PKMYT1: variants seen among roughly 807,000 people sequenced by gnomAD.
The protein encoded by PKMYT1 is protein kinase, membrane associated tyrosine/threonine 1.
In PKMYT1, 35 loss-of-function variants were observed where a neutral mutation model predicts 49.7. That is an observed-to-expected ratio of 0.70 (90% confidence interval 0.54 to 0.93). The LOEUF is 0.93. PKMYT1 is among the 40% of genes least tolerant of loss of function. The pLI, the probability that PKMYT1 is intolerant of heterozygous loss-of-function variation, is 0.00. For synonymous variants in PKMYT1, 331 were observed against 287.6 expected (o/e 1.15, Z -1.53); for missense variants, 677 against 673.1 (o/e 1.01, Z -0.06).
intron 2 of PKMYT1, among the ~76,000 whole-genome samples, chr16:2,979,195 C>T (rs1448626197): frequency 6.6e-5 from 10 of 151,790 alleles, no homozygotes; most frequent in African/African-American, 2.2e-4. Context: ...TTTTGCCGGG[C>T]GTGCTGGTGC....
intron 7 of PKMYT1, chr16:2,973,607 T>A: frequency 2.1e-6 from 1 of 487,250 alleles, no homozygotes; most frequent in South Asian, 2.2e-5. Flanking sequence ...GTTTCCTAAT[T>A]ACAGCCTCTC....
Position 2,975,456 on chromosome 16 carries a change from G to A in PKMYT1, c.735C>T (p.Gly245=), listed in dbSNP as rs752679639. The change falls in exon 4 of 9, where the codon GGC becomes GGT. Residue 245 remains glycine (G), a synonymous_variant. Transcript: ENST00000262300. ...KPANIFLGPR[G]RCKLGDFGLL... ...GTCCGAAGTCACCCAGCTTGCAGCG[G>A]CCCCGGGGCCCCAGGAAGATGTTGG... The A allele has an allele frequency of 6.2e-6, 10 of 1,613,046 alleles. No homozygotes were observed. In the Admixed American group the frequency reaches 1.7e-4, roughly 27 times the overall value.
rs1213556547 is a variant in PKMYT1 at position 2,973,083 on chromosome 16, G to A, written c.1389-19C>T. ...GGCATCCCTGGGAGGAGAGAGTAGTGACACTCAGGATCCAAAAGCTAGCCC... is the reference window on the plus strand; with the variant it reads ...GGCATCCCTGGGAGGAGAGAGTAGTAACACTCAGGATCCAAAAGCTAGCCC... On this transcript the variant is annotated intron_variant, in intron 8 of 8. Transcript: ENST00000262300. 1.3e-6 allele frequency: 2 copies of A among 1,582,492 alleles called. No individual in the cohort carries two copies. The highest frequency in any genetic ancestry group is 1.8e-5 in the Admixed American group (1 of 54,438).
At chr16:2,973,475 G>C in intron 7 of PKMYT1, 7 of 1,493,850 alleles carry the variant, frequency 4.7e-6, no homozygotes, top group Non-Finnish European at 6.3e-6. Context: ...TAAACTTTTA[G>C]TAAATGTAAG....
chr16:2,979,368 A>G (rs1198576722), intron 2 of PKMYT1: 7 of 375,424 alleles, frequency 1.9e-5, no homozygotes, highest in Non-Finnish European at 2.9e-5. Flanking sequence ...AAAAAATTAA[A>G]AAGAGCAGTC....
In PKMYT1 at chr16:2,974,313, G is replaced by A; in HGVS notation, c.1084C>T (p.Pro362Ser). Residue 362 changes from proline to serine, a missense_variant, in exon 6 of 9, where the codon CCG becomes TCG. Physicochemically the swap from Pro to Ser is moderately conservative, Grantham distance 74 (BLOSUM62 -1). Transcript: ENST00000262300. Reference sequence around the variant, plus strand: ...CACCACAGCACACCCCAGGCCCGCGGCTGCCTCAACACAGGCAGTGCCAGC... The same window carrying A: ...CACCACAGCACACCCCAGGCCCGCGACTGCCTCAACACAGGCAGTGCCAGC... ...ALLALPVLRQ[P>S]RAWGVLWCMA... is the part of the protein sequence containing the mutation. The A allele has an allele frequency of 6.3e-7, 1 of 1,598,878 alleles. No individual in the cohort carries two copies. Among genetic ancestry groups the A allele is most frequent in the Non-Finnish European group, 8.5e-7 (1 of 1,173,368 alleles).
chr16:2,977,623 G>A, intron 2 of PKMYT1: 1 of 393,874 alleles, frequency 2.5e-6, no homozygotes, highest in Non-Finnish European at 3.5e-6. Context: ...TGGTGCCCAG[G>A]GCACACAGCA....
intron 5 of PKMYT1, 27 bp from the exon 6 acceptor site, chr16:2,974,444 G>C: frequency 6.3e-7 from 1 of 1,593,174 alleles, no homozygotes; most frequent in Non-Finnish European, 8.6e-7. Context: ...GCCACATCGG[G>C]GTCCCAGAAC....
intron 3 of PKMYT1, 122 bp downstream of exon 3, chr16:2,976,542 G>A: frequency 1.0e-6 from 1 of 977,298 alleles, no homozygotes. Flanking sequence ...TGTGAGCCCA[G>A]CAGGGACAGG....
In PKMYT1 at chr16:2,975,592, G is replaced by C. The variant is rs1213427876; in HGVS notation, c.599C>G (p.Ala200Gly). The C allele has an allele frequency of 6.2e-7, 1 of 1,611,416 alleles. No homozygotes were observed. Among genetic ancestry groups the C allele is most frequent in the African/African-American group, 1.3e-5 (1 of 74,932 alleles). The change falls in exon 4 of 9, where the codon GCC (alanine) becomes GGC (glycine). Residue 200 changes from alanine to glycine, a missense_variant. Ala to Gly is a moderately conservative substitution (Grantham distance 60). Coordinates refer to ENST00000262300, the MANE Select transcript of PKMYT1 (RefSeq NM_004203.5). Reference protein sequence around the residue: ...CGPSLQQHCEAWGASLPEAQV... With the variant: ...CGPSLQQHCEGWGASLPEAQV... ...GGCCTCAGGCAGGCTGGCACCCCAG[G>C]CCTCACAGTGTTGCTGCAGGCTGGG... is the stretch of plus-strand genomic sequence containing the variant.
chr16:2,976,758 G>T lies in PKMYT1; in HGVS notation c.284C>A (p.Pro95His). 6.4e-7 allele frequency: 1 copy of T among 1,559,286 alleles called. No homozygotes were observed. Among genetic ancestry groups the T allele is most frequent in the Non-Finnish European group, 8.7e-7 (1 of 1,149,432 alleles). ...RGEASETLQS[P>H]GYDPSRPESF... is the part of the protein sequence containing the mutation. ...CTCTGGCCGGCTTGGGTCATACCCA[G>T]GGCTCTGCAGAGTCTCTGAGGCCTC... is the stretch of plus-strand genomic sequence containing the variant. Residue 95 changes from proline (P) to histidine (H), a missense_variant, in exon 3 of 9, where the codon CCT becomes CAT. Physicochemically the swap from Pro to His is moderately conservative, Grantham distance 77 (BLOSUM62 -2). Coordinates refer to ENST00000262300, the MANE Select transcript of PKMYT1 (RefSeq NM_004203.5).
Position 2,974,534 on chromosome 16 carries a change from G to C in PKMYT1, c.979+16C>G. On this transcript the variant is annotated intron_variant, in intron 5 of 8. Coordinates refer to ENST00000262300, the MANE Select transcript of PKMYT1 (RefSeq NM_004203.5). ...GGAGCCCGTGGCAGCACCCCCTCCC[G>C]CCCTCACCTACTCACCGGCAGTGAA... 1 of 1,547,244 alleles carries C rather than the reference G, an allele frequency of 6.5e-7. No individual in the cohort carries two copies. Among genetic ancestry groups the C allele is most frequent in the Non-Finnish European group, 8.8e-7 (1 of 1,142,050 alleles).
chr16:2,979,747 C>T lies in PKMYT1; in HGVS notation c.-90G>A. 2.5e-6 allele frequency: 4 copies of T among 1,569,214 alleles called. No homozygotes were observed. In the South Asian group the frequency reaches 3.4e-5, roughly 13 times the overall value. ...AATCCAGGGTGTCCCTGAGCTAAGG[C>T]CAGGCGGGGGTGACCTCCGCAGCTT... On this transcript the variant is annotated 5_prime_UTR_variant, in exon 2 of 9. Transcript: ENST00000262300.
At chr16:2,975,263 G>T (rs559029183) in intron 4 of PKMYT1, 56 bp downstream of exon 4, 3 of 1,509,658 alleles carry the variant, frequency 2.0e-6, no homozygotes, top group East Asian at 2.4e-5. Flanking sequence ...TGGAGCTTCC[G>T]TCCCAGGAAG....
At chr16:2,973,629 C>T (rs2072081456) in intron 7 of PKMYT1, 1 of 453,110 alleles carries the variant, frequency 2.2e-6, no homozygotes, top group South Asian at 2.2e-5. Flanking sequence ...CTCAAGACAC[C>T]AGGCCCCAGG....
intron 7 of PKMYT1, 138 bp downstream of exon 7, chr16:2,973,862 C>A (rs1019168825): frequency 2.1e-6 from 2 of 956,242 alleles, no homozygotes; most frequent in Admixed American, 2.4e-5. Context: ...CACACACCCC[C>A]AGTCTTGGTC....
chr16:2,974,710 AC>A, intron 4 of PKMYT1, 54 bp from the exon 5 acceptor site: 1 of 1,225,420 alleles, frequency 8.2e-7, no homozygotes, highest in Non-Finnish European at 1.2e-6. Context: ...TGGGACACAG[AC>A]CCAGTCCAGG....
intron 2 of PKMYT1, chr16:2,977,573 T>A (rs1190478553): frequency 1.2e-6 from 1 of 809,134 alleles, no homozygotes; most frequent in East Asian, 1.3e-4. Flanking sequence ...GCACAACTGA[T>A]GACGATTATT....
chr16:2,979,403 G>A, intron 2 of PKMYT1: 1 of 556,396 alleles, frequency 1.8e-6, no homozygotes. Flanking sequence ...GAGTACAGGG[G>A]TGAGGGGAGC....
Sources: gnomAD v4.1 joint callset for allele counts (sites outside exome capture counted in the v4.1 genomes callset) on GRCh38, gnomAD v4.1.1 for gene constraint, MANE v1.5 for transcripts, NCBI Gene and HGNC (gene_info 2026-07-23, HGNC 2026-07-21) for gene names.